The following ADGRB3 variants were observed in gnomAD, a reference collection of about 807,000 sequenced individuals.
ADGRB3 encodes adhesion G protein-coupled receptor B3.
A neutral mutation model predicts 193.4 loss-of-function variants in ADGRB3; 37 were observed. The observed-to-expected ratio is 0.19, with a 90% CI of 0.15 to 0.25. ADGRB3 has a LOEUF of 0.25. Ranked by LOEUF, ADGRB3 falls within the 10% of genes least tolerant of loss-of-function variation. ADGRB3 has a pLI of 1.00. For synonymous variants in ADGRB3, 690 were observed against 644.2 expected (o/e 1.07, Z -1.08); for missense variants, 1,637 against 1,852.9 (o/e 0.88, Z 2.14).
chr6:68,665,678 T>C (rs1041916488), intron 3 of ADGRB3, among the ~76,000 whole-genome samples: 1 of 151,788 alleles, frequency 6.6e-6, no homozygotes, highest in Non-Finnish European at 1.5e-5. Flanking sequence ...TTTTCTAATA[T>C]TAAATATGTT....
chr6:68,972,610 A>G (rs1768609575), intron 8 of ADGRB3, among the ~76,000 whole-genome samples: 1 of 152,204 alleles, frequency 6.6e-6, no homozygotes, highest in Non-Finnish European at 1.5e-5. Context: ...TCTAACTCAT[A>G]GGTGCTAACT....
chr6:68,737,638 T>G (rs1765897338), intron 3 of ADGRB3, among the ~76,000 whole-genome samples: 1 of 152,126 alleles, frequency 6.6e-6, no homozygotes, highest in Admixed American at 6.6e-5. Flanking sequence ...TCAGGAGAAC[T>G]GTGGGCCCTG....
At chr6:69,327,777 G>T in intron 21 of ADGRB3, 43 bp from the exon 22 acceptor site, 1 of 1,579,818 alleles carries the variant, frequency 6.3e-7, no homozygotes, top group East Asian at 2.3e-5. Flanking sequence ...TATGCATAGT[G>T]GTTATAGCTA....
rs764934080 is a variant in ADGRB3, at chr6:69,007,693, TCACACA to T, written c.1930-6315_1930-6310del. Among the ~76,000 whole-genome samples the T allele has an allele frequency of 3.6e-3, 322 of 90,086 alleles. 9 individuals carry two copies. The highest frequency in any genetic ancestry group is 0.029 in the South Asian group (86 of 3,016). 59.1% of individuals were successfully genotyped at this position (90,086 alleles called of 152,430 possible). A position where few individuals can be genotyped will look rare whatever the true frequency, so the allele number is the denominator to read the frequency against. ...CTCTCTCTCTCTCTCTCTCTCTCTC[TCACACA>T]CACACACACACACACACACACACAC... On this transcript the variant is annotated intron_variant, in intron 11 of 31. Transcript: ENST00000370598.
chr6:68,855,724 G>C (rs1764969240), intron 3 of ADGRB3, among the ~76,000 whole-genome samples: 1 of 152,082 alleles, frequency 6.6e-6, no homozygotes, highest in Admixed American at 6.6e-5. Flanking sequence ...TACTGGATTA[G>C]TAATAATTCT....
chr6:69,139,480 C>A (rs1774256843), intron 17 of ADGRB3, among the ~76,000 whole-genome samples: 1 of 152,136 alleles, frequency 6.6e-6, no homozygotes. Context: ...GGTAAAGTTG[C>A]ATTTTATGTG....
intron 3 of ADGRB3, among the ~76,000 whole-genome samples, chr6:68,732,452 A>G (rs947669661): frequency 6.6e-6 from 1 of 152,010 alleles, no homozygotes; most frequent in African/African-American, 2.4e-5. Flanking sequence ...TAAAAGCTAT[A>G]CAATTTGAAA....
At chr6:68,656,090 C>A (rs1280108455) in intron 3 of ADGRB3, among the ~76,000 whole-genome samples, 1 of 151,522 alleles carries the variant, frequency 6.6e-6, no homozygotes, top group Non-Finnish European at 1.5e-5. Flanking sequence ...TGAAAAATAT[C>A]TTGCTTGCTG....
At chr6:68,762,611 CAAT>C (rs552394978) in intron 3 of ADGRB3, among the ~76,000 whole-genome samples, 62 of 151,906 alleles carry the variant, frequency 4.1e-4, no homozygotes, top group Non-Finnish European at 7.8e-4. Context: ...TAAATTAAAA[CAAT>C]AAAATAAGTC....
intron 17 of ADGRB3, among the ~76,000 whole-genome samples, chr6:69,100,894 G>A (rs1582460767): frequency 1.6e-5 from 2 of 125,208 alleles, no homozygotes; most frequent in Admixed American, 8.3e-5. Flanking sequence ...GGGAAGGAAG[G>A]AAGGAAGAAG....
intron 23 of ADGRB3, chr6:69,331,689 G>C: frequency 2.0e-6 from 2 of 985,228 alleles, no homozygotes; most frequent in Non-Finnish European, 2.4e-6. Flanking sequence ...TTAATCAACT[G>C]AACTATTTCC....
Position 68,781,983 on chromosome 6 carries a change from T to A in ADGRB3, c.757+142551T>A, listed in dbSNP as rs565082381. Among the ~76,000 whole-genome samples the A allele has an allele frequency of 3.0e-3, 457 of 152,180 alleles. 6 individuals carry two copies. Among genetic ancestry groups the A allele is most frequent in the African/African-American group, 0.011 (445 of 41,522 alleles). ...TATACTCTTTTTTTTATTTTATTTT[T>A]ATTATACTTTAAGTTTTAGGGTACA... On this transcript the variant is annotated intron_variant, in intron 3 of 31. Coordinates refer to ENST00000370598, the MANE Select transcript of ADGRB3 (RefSeq NM_001704.3).
intron 24 of ADGRB3, among the ~76,000 whole-genome samples, chr6:69,334,152 TC>T (rs1768792337): frequency 6.6e-6 from 1 of 151,954 alleles, no homozygotes; most frequent in South Asian, 2.1e-4. Context: ...TTTGTGTCCT[TC>T]CCTATAGAAA....
At chr6:69,327,679 A>G (rs1160622483) in intron 21 of ADGRB3, 141 bp from the exon 22 acceptor site, 2 of 537,014 alleles carry the variant, frequency 3.7e-6, no homozygotes, top group Non-Finnish European at 6.2e-6. Context: ...AAATCCTGTA[A>G]TAGAAACATA....
intron 20 of ADGRB3, among the ~76,000 whole-genome samples, chr6:69,251,170 C>G (rs543413565): frequency 4.0e-4 from 61 of 152,342 alleles, no homozygotes; most frequent in African/African-American, 1.4e-3. Flanking sequence ...GCATCCAGCT[C>G]TTTTCTCTGC....
At chr6:68,800,912 G>A (rs1214123493) in intron 3 of ADGRB3, among the ~76,000 whole-genome samples, 1 of 152,168 alleles carries the variant, frequency 6.6e-6, no homozygotes, top group African/African-American at 2.4e-5. Context: ...AAAGAAAGCA[G>A]GTAGCCAACT....
chr6:68,975,140 G>A, intron 9 of ADGRB3, 94 bp from the exon 10 acceptor site: 2 of 1,020,478 alleles, frequency 2.0e-6, no homozygotes, highest in Admixed American at 5.1e-5. Context: ...AAGAAAAAAA[G>A]TACAAACTTA....
chr6:68,644,402 T>G (rs1768155127), intron 3 of ADGRB3, among the ~76,000 whole-genome samples: 1 of 152,146 alleles, frequency 6.6e-6, no homozygotes, highest in Non-Finnish European at 1.5e-5. Context: ...TATGCCCATC[T>G]AGAAAAAAAA....
chr6:68,816,492 G>C (rs1295164251), intron 3 of ADGRB3, among the ~76,000 whole-genome samples: 1 of 151,698 alleles, frequency 6.6e-6, no homozygotes, highest in African/African-American at 2.4e-5. Context: ...ATTCTAATTA[G>C]TTTGGTAGTT....
Sources: allele counts gnomAD v4.1 joint callset (sites outside exome capture counted in the v4.1 genomes callset), GRCh38; gene constraint gnomAD v4.1.1; transcripts MANE v1.5; gene names NCBI Gene and HGNC (gene_info 2026-07-23, HGNC 2026-07-21).